ZNF436: variants seen among roughly 807,000 people sequenced by gnomAD.
The protein encoded by ZNF436 is DNA-binding protein.
ZNF436 carries 22 observed loss-of-function variants against 41.9 expected under a neutral mutation model. That is an observed-to-expected ratio of 0.53 (90% CI 0.38 to 0.75). The LOEUF (loss-of-function observed/expected upper bound fraction) is 0.75, where lower values mean the gene tolerates loss of function less well. Ranked by LOEUF, ZNF436 falls within the 30% of genes least tolerant of loss-of-function variation. The pLI is 0.00. For missense variants in ZNF436, 506 were observed against 587.3 expected, an observed-to-expected ratio of 0.86 and a Z score of 1.43; for synonymous variants, 217 against 197.8, an observed-to-expected ratio of 1.10 and a Z score of -0.82.
intron 1 of ZNF436, among the ~76,000 whole-genome samples, chr1:23,368,617 C>T (rs1415715068): frequency 6.6e-6 from 1 of 152,248 alleles, no homozygotes; most frequent in Non-Finnish European, 1.5e-5. Flanking sequence ...TCCTCCCAGT[C>T]AGGGCGGAGT....
chr1:23,367,069 C>G lies in ZNF436; in HGVS notation c.133G>C (p.Glu45Gln). The change falls in exon 3 of 4, where the codon GAG becomes CAG. Residue 45 changes from glutamate (E) to glutamine (Q), a missense_variant. By Grantham distance (29) the Glu-to-Gln change is conservative (BLOSUM62 2). Around this residue, in one of 2 missense-constraint regions of ZNF436, gnomAD observed 228 missense variants for 215.1 expected, o/e 1.06. Coordinates refer to ENST00000314011, the MANE Select transcript of ZNF436 (RefSeq NM_001077195.2). ...QRDLYRDVMQ[E>Q]NYGNVVSLDF... ...AGTGAGACAACATTTCCATAATTCTCCTGCATAACATCCCGGTAAAGGTCC... is the reference window on the plus strand; with the variant it reads ...AGTGAGACAACATTTCCATAATTCTGCTGCATAACATCCCGGTAAAGGTCC... 2 of 1,613,832 alleles carry G rather than the reference C, an allele frequency of 1.2e-6. No homozygotes were observed. The highest frequency in any genetic ancestry group is 1.7e-6 in the Non-Finnish European group (2 of 1,179,882).
rs1240474858 is a variant in ZNF436 at position 23,360,769 on chromosome 1, C to A, written c.*1200G>T. The A allele has an allele frequency of 6.6e-6, 1 of 152,608 alleles. No homozygotes were observed. Among genetic ancestry groups the A allele is most frequent in the African/African-American group, 2.4e-5 (1 of 41,450 alleles). 9.5% of individuals were successfully genotyped at this position (152,608 alleles called of 1,614,324 possible). On this transcript the variant is annotated 3_prime_UTR_variant, in exon 4 of 4. Transcript: ENST00000314011. ...GTGCTTAGCTCTGTACAAAGACAGACCTTACAGGAGAGTGCACACTAAAGC... is the reference window on the plus strand; with the variant it reads ...GTGCTTAGCTCTGTACAAAGACAGAACTTACAGGAGAGTGCACACTAAAGC...
In ZNF436 at chr1:23,362,542, A is replaced by G. The variant is rs568835179; in HGVS notation, c.840T>C (p.Cys280=). The G allele has an allele frequency of 1.2e-6, 2 of 1,613,838 alleles. No homozygotes were observed. Among genetic ancestry groups the G allele is most frequent in the African/African-American group, 2.7e-5 (2 of 74,894 alleles). ...CACTGAAGCCTCGGCCACATTCGTTACATTCATAAGGTTTCTCACCCGTGT... is the reference window on the plus strand; with the variant it reads ...CACTGAAGCCTCGGCCACATTCGTTGCATTCATAAGGTTTCTCACCCGTGT... The part of the protein sequence containing the change: ...RTHTGEKPYE[C]NECGRGFSER... The change falls in exon 4 of 4, where the codon TGT becomes TGC. Residue 280 remains cysteine (C), a synonymous_variant. Transcript: ENST00000314011.
intron 3 of ZNF436, among the ~76,000 whole-genome samples, chr1:23,364,073 G>A (rs1401290151): frequency 6.6e-6 from 1 of 151,972 alleles, no homozygotes; most frequent in Admixed American, 6.6e-5. Context: ...TTCGTGTTTT[G>A]AAAGAACACT....
At chr1:23,364,820 A>G (rs928511839) in intron 3 of ZNF436, among the ~76,000 whole-genome samples, 1 of 152,152 alleles carries the variant, frequency 6.6e-6, no homozygotes, top group African/African-American at 2.4e-5. Flanking sequence ...TTCTTAGTAC[A>G]CTCTTCAGAA....
At position 23,369,464 on chromosome 1, in the gene ZNF436, A is replaced by G. The variant is rs1430571247; in HGVS notation, c.-159T>C. ...CAGCGTTCTCTCAGACCTGGCGTTC[A>G]GGAAGATTCTAGAGAGCACGGGCAG... On this transcript the variant is annotated 5_prime_UTR_variant, in exon 1 of 4. Coordinates refer to ENST00000314011, the MANE Select transcript of ZNF436 (RefSeq NM_001077195.2). The G allele has an allele frequency of 1.9e-6, 1 of 533,892 alleles. No individual in the cohort carries two copies. Among genetic ancestry groups the G allele is most frequent in the African/African-American group, 1.9e-5 (1 of 51,962 alleles). The allele number at this position is 533,892 out of a possible 1,614,324, so 33.1% of individuals were successfully genotyped here.
chr1:23,362,286 C>A lies in ZNF436; in HGVS notation c.1096G>T (p.Ala366Ser), dbSNP rs1277700176. 3.1e-6 allele frequency: 5 copies of A among 1,614,118 alleles called. No homozygotes were observed. Among genetic ancestry groups the A allele is most frequent in the Admixed American group, 1.7e-5 (1 of 60,000 alleles). Reference sequence around the variant, plus strand: ...CTCCGGCTGAAGCTTTTCCCACAAGCATTGCATTCATATGGCTTCTCTCCA... The same window carrying A: ...CTCCGGCTGAAGCTTTTCCCACAAGAATTGCATTCATATGGCTTCTCTCCA... ...HTGEKPYECN[A>S]CGKSFSRSSH... Residue 366 changes from alanine to serine, a missense_variant, in exon 4 of 4, where the codon GCT becomes TCT. By Grantham distance (99) the Ala-to-Ser change is moderately conservative (BLOSUM62 1). This residue lies in a region of ZNF436 where 278 missense variants were observed against 372.1 expected (regional missense o/e 0.75). Transcript: ENST00000314011.
Position 23,362,463 on chromosome 1 carries a change from T to G in ZNF436, c.919A>C (p.Lys307Gln), listed in dbSNP as rs748641163. ...YRVHTGERPY[K>Q]CDECGKNFSQ... is the part of the protein sequence containing the mutation. ...AAATTCTTCCCACACTCATCACACT[T>G]GTAGGGCCTCTCCCCTGTGTGGACT... The change falls in exon 4 of 4, where the codon AAG becomes CAG. Residue 307 changes from lysine (K) to glutamine (Q), a missense_variant. Coordinates refer to ENST00000314011, the MANE Select transcript of ZNF436 (RefSeq NM_001077195.2). 4 of 1,612,522 alleles carry G rather than the reference T, an allele frequency of 2.5e-6. No individual in the cohort carries two copies. In the Admixed American group the frequency reaches 6.7e-5, roughly 27 times the overall value.
intron 3 of ZNF436, among the ~76,000 whole-genome samples, chr1:23,366,760 G>C (rs1570190242): frequency 6.6e-6 from 1 of 152,326 alleles, no homozygotes; most frequent in East Asian, 1.9e-4. Flanking sequence ...TATTATGCCA[G>C]ACCTGTTTGG....
intron 1 of ZNF436, 167 bp from the exon 2 acceptor site, chr1:23,368,232 C>T (rs900553420): frequency 6.9e-6 from 4 of 576,488 alleles, no homozygotes; most frequent in Non-Finnish European, 9.3e-6. Flanking sequence ...TCCGCCACAG[C>T]GGGGTGGAGG....
chr1:23,364,099 G>A (rs755891961), intron 3 of ZNF436, among the ~76,000 whole-genome samples: 1 of 152,122 alleles, frequency 6.6e-6, no homozygotes, highest in East Asian at 1.9e-4. Flanking sequence ...CAGAAAATAT[G>A]AGACTCTAAA....
rs760287384 is a variant in ZNF436, at chr1:23,362,617, A to G, written c.765T>C (p.Cys255=). The G allele has an allele frequency of 8.1e-6, 13 of 1,613,996 alleles. No homozygotes were observed. In the South Asian group the frequency reaches 1.4e-4, roughly 18 times the overall value. ...GAGAGCTCCGGCTGAAGCTTTTCCC[A>G]CACTCCTCACACTCATAGGGTTTCT... ...SGEKPYECEE[C]GKSFSRSSHL... is the part of the protein sequence containing the mutation. The change falls in exon 4 of 4, where the codon TGT becomes TGC. Residue 255 remains cysteine, a synonymous_variant. Transcript: ENST00000314011.
chr1:23,363,015 T>C lies in ZNF436; in HGVS notation c.367A>G (p.Thr123Ala). ...EWVSYPLQPV[T>A]DLLVHKEVHT... Reference sequence around the variant, plus strand: ...ACTTCTTTGTGGACAAGTAGATCAGTGACTGGTTGGAGAGGATAGCTTACC... The same window carrying C: ...ACTTCTTTGTGGACAAGTAGATCAGCGACTGGTTGGAGAGGATAGCTTACC... The change falls in exon 4 of 4, where the codon ACT (threonine) becomes GCT (alanine). Residue 123 changes from threonine (T) to alanine (A), a missense_variant. Physicochemically the swap from Thr to Ala is moderately conservative, Grantham distance 58. Around this residue, in one of 2 missense-constraint regions of ZNF436, gnomAD observed 228 missense variants for 215.1 expected, o/e 1.06. Transcript: ENST00000314011. The C allele has an allele frequency of 6.2e-7, 1 of 1,614,152 alleles. No individual in the cohort carries two copies. Among genetic ancestry groups the C allele is most frequent in the South Asian group, 1.1e-5 (1 of 91,080 alleles).
Position 23,359,864 on chromosome 1 carries a change from G to C in ZNF436, c.*2105C>G, listed in dbSNP as rs1646982455. On this transcript the variant is annotated 3_prime_UTR_variant, in exon 4 of 4. Coordinates refer to ENST00000314011, the MANE Select transcript of ZNF436 (RefSeq NM_001077195.2). ...AAAAGCAGCAGCAGGAACTGGTTGGGGTGGGGCAAGAACAGTAGGGAAGGA... is the reference window on the plus strand; with the variant it reads ...AAAAGCAGCAGCAGGAACTGGTTGGCGTGGGGCAAGAACAGTAGGGAAGGA... The C allele has an allele frequency of 6.5e-6, 1 of 152,840 alleles. No homozygotes were observed. Among genetic ancestry groups the C allele is most frequent in the Non-Finnish European group, 1.5e-5 (1 of 68,234 alleles). The allele number at this position is 152,840 out of a possible 1,614,324, so 9.5% of individuals were successfully genotyped here.
chr1:23,361,906 T>G lies in ZNF436; in HGVS notation c.*63A>C. The G allele has an allele frequency of 6.7e-7, 1 of 1,494,820 alleles. No individual in the cohort carries two copies. The highest frequency in any genetic ancestry group is 9.0e-7 in the Non-Finnish European group (1 of 1,115,674). The allele number at this position is 1,494,820 out of a possible 1,614,324, so 92.6% of individuals were successfully genotyped here. ...AAAAGCAGCTCAGTCTTGAGGGCGTTCATTGATATCAAATAAAATTGTATC... is the reference window on the plus strand; with the variant it reads ...AAAAGCAGCTCAGTCTTGAGGGCGTGCATTGATATCAAATAAAATTGTATC... On this transcript the variant is annotated 3_prime_UTR_variant, in exon 4 of 4. Transcript: ENST00000314011.
chr1:23,367,586 A>T (rs1638388356), intron 2 of ZNF436, among the ~76,000 whole-genome samples: 1 of 152,150 alleles, frequency 6.6e-6, no homozygotes, highest in African/African-American at 2.4e-5. Flanking sequence ...TGGATGCCCC[A>T]GATAGACTTA....
intron 3 of ZNF436, among the ~76,000 whole-genome samples, chr1:23,364,707 T>C (rs761355095): frequency 6.6e-6 from 1 of 152,216 alleles, no homozygotes; most frequent in East Asian, 1.9e-4. Context: ...ATTCTTGGCA[T>C]TGTCTAAGTA....
Position 23,368,039 on chromosome 1 carries a change from A to G in ZNF436, c.-34T>C. ...CAAGGGTTCGCCTCCAGGGAGAGAG[A>G]GCAGGAAAAGCAGCTAGCAGACAGC... On this transcript the variant is annotated 5_prime_UTR_variant, in exon 2 of 4. Coordinates refer to ENST00000314011, the MANE Select transcript of ZNF436 (RefSeq NM_001077195.2). 3 of 1,613,386 alleles carry G rather than the reference A, an allele frequency of 1.9e-6. No individual in the cohort carries two copies. Among genetic ancestry groups the G allele is most frequent in the East Asian group, 4.5e-5 (2 of 44,838 alleles).
rs10634507 is a variant in ZNF436 at position 23,365,917 on chromosome 1, C to CA, written c.160+1124dup. The stretch of plus-strand genomic sequence containing the variant: ...TGGGCAACAGAACAAGATCCTGTCT[C>CA]AAAAAAAAAAAAAAAAAAGCCTTGT... On this transcript the variant is annotated intron_variant, in intron 3 of 3. Transcript: ENST00000314011. 6.8e-3 allele frequency among the ~76,000 whole-genome samples: 667 copies of CA among 97,944 alleles called. 21 individuals carry two copies. The highest frequency in any genetic ancestry group is 0.02 in the East Asian group (72 of 3,520). The allele number at this position is 97,944 out of a possible 152,430, so 64.3% of individuals were successfully genotyped here.
Sources: gnomAD v4.1 joint callset for allele counts (sites outside exome capture counted in the v4.1 genomes callset) on GRCh38, gnomAD v4.1.1 for gene constraint, gnomAD v4.1.1 regional missense constraint, MANE v1.5 for transcripts, NCBI Gene and HGNC (gene_info 2026-07-23, HGNC 2026-07-21) for gene names.